Variants in DIAPH2 observed in about 807,000 individuals in gnomAD.
DIAPH2 encodes the protein diaphanous related formin 2, also known as protein diaphanous homolog 2.
A neutral mutation model predicts 92.7 loss-of-function variants in DIAPH2; 35 were observed. That is an observed-to-expected ratio of 0.38 (90% confidence interval 0.29 to 0.50). The LOEUF (loss-of-function observed/expected upper bound fraction) is 0.50. Among genes scored for constraint, DIAPH2 ranks in the 20% least tolerant of loss-of-function variants. DIAPH2 has a pLI of 0.94. For missense variants in DIAPH2, 701 were observed against 819.5 expected (o/e 0.86, Z 1.77); for synonymous variants, 301 against 280.4 (o/e 1.07, Z -0.73).
At chrX:96,923,864 A>G (rs1178611182) in intron 9 of DIAPH2, among the ~76,000 whole-genome samples, 1 of 111,994 alleles carries the variant, frequency 8.9e-6, no homozygotes, top group Non-Finnish European at 1.9e-5. Context: ...ACCCTGACTC[A>G]ACAGGAAATT....
intron 23 of DIAPH2, among the ~76,000 whole-genome samples, chrX:97,282,040 A>C (rs1157044278): frequency 1.8e-5 from 2 of 111,115 alleles, no homozygotes; most frequent in Non-Finnish European, 3.8e-5. Context: ...AAAAGAAAAA[A>C]AAAGCATTGA....
chrX:96,961,760 C>A (rs1180194256), intron 16 of DIAPH2, among the ~76,000 whole-genome samples: 1 of 108,504 alleles, frequency 9.2e-6, no homozygotes, highest in Non-Finnish European at 1.9e-5. Flanking sequence ...TAATTTTTTT[C>A]TTAATTTTTT....
chrX:97,127,880 TGCTTGTGGTCCCA>T (rs1434560273), intron 21 of DIAPH2, among the ~76,000 whole-genome samples: 1 of 111,019 alleles, frequency 9.0e-6, no homozygotes, highest in East Asian at 2.9e-4. Flanking sequence ...GGGTGGTGCG[TGCTTGTGGTCCCA>T]GCTACTTGGG....
rs199558439 is a variant in DIAPH2, at chrX:97,588,996, AATATATATATAT to A, written c.3242-10237_3242-10226del. 0.011 allele frequency among the ~76,000 whole-genome samples: 341 copies of A among 31,710 alleles called. 12 individuals are homozygous for A. In the Middle Eastern group the frequency reaches 0.14, roughly 13 times the overall value. The allele number at this position is 31,710 out of a possible 115,157, so 27.5% of individuals were successfully genotyped here. A position where few individuals can be genotyped will look rare whatever the true frequency, so the allele number is the denominator to read the frequency against. Reference sequence around the variant, plus strand: ...ATGCCAAAAATTCAGATATTATAGAAATATATATATATATATATATATATATATATAAAAGAA... The same window carrying A: ...ATGCCAAAAATTCAGATATTATAGAAATATATATATATATATATAAAAGAA... On this transcript the variant is annotated intron_variant, in intron 26 of 26. Coordinates refer to ENST00000324765, the MANE Select transcript of DIAPH2 (RefSeq NM_006729.5).
intron 24 of DIAPH2, among the ~76,000 whole-genome samples, chrX:97,382,710 A>G: frequency 8.9e-6 from 1 of 111,824 alleles, no homozygotes. Flanking sequence ...AAGGGGAGGT[A>G]CCAGTGAAGG....
At chrX:97,442,738 C>A (rs1172578771) in intron 26 of DIAPH2, 1 of 112,261 alleles carries the variant, frequency 8.9e-6, no homozygotes, top group Non-Finnish European at 1.9e-5. Context: ...TACACCTCTT[C>A]TGTGTATTAA....
At chrX:96,804,861 A>G (rs904645068) in intron 4 of DIAPH2, among the ~76,000 whole-genome samples, 1 of 111,873 alleles carries the variant, frequency 8.9e-6, no homozygotes, top group African/African-American at 3.2e-5. Flanking sequence ...GTGAGGCACT[A>G]ATGTCCTCTG....
rs2071086376 is a variant in DIAPH2 at position 97,535,170 on chromosome X, T to C, written c.3242-64083T>C. Among the ~76,000 whole-genome samples the C allele has an allele frequency of 3.6e-5, 4 of 112,040 alleles. No homozygotes were observed. The South Asian group carries it at 1.5e-3, about 42-fold the overall frequency. The stretch of plus-strand genomic sequence containing the variant: ...AAACTAAGGAAATTTGCATAAAGTA[T>C]GGACTTCAGTTAATGATGACTTATC... On this transcript the variant is annotated intron_variant, in intron 26 of 26. Transcript: ENST00000324765.
At chrX:96,899,784 G>C (rs1410104848) in intron 5 of DIAPH2, among the ~76,000 whole-genome samples, 1 of 109,822 alleles carries the variant, frequency 9.1e-6, no homozygotes, top group Non-Finnish European at 1.9e-5. Flanking sequence ...AGTGGTGAGA[G>C]AGGGCATCCC....
intron 4 of DIAPH2, among the ~76,000 whole-genome samples, chrX:96,859,680 T>C (rs896675737): frequency 3.0e-4 from 33 of 109,315 alleles, no homozygotes; most frequent in African/African-American, 1.1e-3. Flanking sequence ...CTCACTGTGT[T>C]GCCCAGGCTG....
At chrX:97,512,175 C>G (rs1162383129) in intron 26 of DIAPH2, among the ~76,000 whole-genome samples, 1 of 113,256 alleles carries the variant, frequency 8.8e-6, no homozygotes, top group Non-Finnish European at 1.9e-5. Context: ...TGATTATTGC[C>G]ACAATTTCAG....
At chrX:97,312,391 T>C (rs1194749332) in intron 23 of DIAPH2, among the ~76,000 whole-genome samples, 1 of 80,075 alleles carries the variant, frequency 1.2e-5, no homozygotes, top group African/African-American at 4.9e-5. Context: ...GCTCTGTTGC[T>C]CAGGCTGGAG....
chrX:97,254,708 TTTTATTTTATTTTA>T (rs1293683758), intron 23 of DIAPH2, among the ~76,000 whole-genome samples: 13 of 108,265 alleles, frequency 1.2e-4, no homozygotes, highest in Non-Finnish European at 1.5e-4. Context: ...ATTTATTTTA[TTTTATTTTATTTTA>T]TTTATTTTAT....
At chrX:97,555,444 A>G (rs918088762) in intron 26 of DIAPH2, 2 of 749,491 alleles carry the variant, frequency 2.7e-6, no homozygotes, top group Non-Finnish European at 3.1e-6. Flanking sequence ...AGTGAAGGAG[A>G]TAAGAAGAAA....
intron 19 of DIAPH2, among the ~76,000 whole-genome samples, chrX:97,089,403 G>C (rs1046983821): frequency 9.0e-6 from 1 of 111,628 alleles, no homozygotes; most frequent in African/African-American, 3.3e-5. Flanking sequence ...CAGAGGATGA[G>C]TAACTAGTTG....
At chrX:97,382,312 C>T (rs995063065) in intron 24 of DIAPH2, among the ~76,000 whole-genome samples, 4 of 111,753 alleles carry the variant, frequency 3.6e-5, no homozygotes, top group African/African-American at 3.3e-5. Flanking sequence ...GTGGTTTGGC[C>T]GGGTGCGGTG....
intron 26 of DIAPH2, among the ~76,000 whole-genome samples, chrX:97,468,962 G>A (rs1228682093): frequency 9.0e-6 from 1 of 111,703 alleles, no homozygotes; most frequent in Non-Finnish European, 1.9e-5. Flanking sequence ...GATAGAATGT[G>A]AATGTATAAT....
At chrX:97,455,167 A>G (rs1035429835) in intron 26 of DIAPH2, among the ~76,000 whole-genome samples, 1 of 111,977 alleles carries the variant, frequency 8.9e-6, no homozygotes, top group Non-Finnish European at 1.9e-5. Flanking sequence ...AGATCAACTC[A>G]CTGTGTGAGG....
intron 4 of DIAPH2, among the ~76,000 whole-genome samples, chrX:96,833,599 T>A (rs1283311727): frequency 2.7e-5 from 3 of 111,235 alleles, no homozygotes; most frequent in African/African-American, 9.8e-5. Context: ...TCTAGAAAAA[T>A]CAGATAGATT....
Sources: gnomAD v4.1 joint callset for allele counts (sites outside exome capture counted in the v4.1 genomes callset) on GRCh38, gnomAD v4.1.1 for gene constraint, MANE v1.5 for transcripts, NCBI Gene and HGNC (gene_info 2026-07-23, HGNC 2026-07-21) for gene names.